The following POLR1C variants were observed in gnomAD, a reference collection of about 807,000 sequenced individuals.
POLR1C encodes DNA-directed RNA polymerases I and III subunit RPAC1.
Under a neutral mutation model 38.3 loss-of-function variants are expected in POLR1C, and 42 were observed. The ratio of observed to expected loss-of-function variants is 1.10; its 90% CI spans 0.86 to 1.42. The LOEUF is 1.42. Among genes scored for constraint, POLR1C ranks in the 40% most tolerant of loss-of-function variants. POLR1C has a pLI of 0.00. For synonymous variants in POLR1C, 163 were observed against 163.9 expected (o/e 0.99, Z 0.04); for missense variants, 507 against 450.5 (o/e 1.13, Z -1.14).
chr6:43,557,353 G>C (rs1036301917), intron 10 of POLR1C, among the ~76,000 whole-genome samples: 1 of 151,078 alleles, frequency 6.6e-6, no homozygotes, highest in African/African-American at 2.4e-5. Flanking sequence ...TTGAATCCGG[G>C]AGGCAGAGGT....
At chr6:43,547,398 G>T in intron 9 of POLR1C, 1 of 646,064 alleles carries the variant, frequency 1.5e-6, no homozygotes, top group Non-Finnish European at 2.8e-6. Context: ...CCAAAATAAT[G>T]ACTTCATAGA....
downstream of POLR1C, chr6:43,523,965 T>C (rs754211966): frequency 1.4e-5 from 23 of 1,613,922 alleles, no homozygotes; most frequent in South Asian, 2.5e-4. Flanking sequence ...GGGAAGATTC[T>C]TAATGTGAAC....
chr6:43,552,063 T>C (rs920951594), intron 10 of POLR1C, among the ~76,000 whole-genome samples: 12 of 152,220 alleles, frequency 7.9e-5, no homozygotes, highest in African/African-American at 2.4e-4. Flanking sequence ...TGAATGTTTT[T>C]CATATTTATC....
downstream of POLR1C, chr6:43,525,444 C>G (rs967058931): frequency 3.7e-6 from 2 of 535,212 alleles, no homozygotes; most frequent in South Asian, 2.7e-5. Context: ...GGCTTAGGAG[C>G]TGGAGTTTTA....
At chr6:43,524,458 G>A (rs979593262), downstream of POLR1C, 19 of 1,612,098 alleles carry the variant, frequency 1.2e-5, no homozygotes, top group South Asian at 2.2e-5. Context: ...ACTATTGAAG[G>A]TGCATGACCT....
At chr6:43,533,019 G>A (rs1294706937), downstream of POLR1C, among the ~76,000 whole-genome samples, 1 of 152,046 alleles carries the variant, frequency 6.6e-6, no homozygotes, top group Non-Finnish European at 1.5e-5. Flanking sequence ...GATGGTGCAT[G>A]CCTGTAGTCC....
rs59157986 is a variant in POLR1C, at chr6:43,519,057, A to C, written c.142-276A>C. On this transcript the variant is annotated intron_variant, in intron 2 of 8. Transcript: ENST00000642195. ...CTGAGTAGTGTCAACAAAACTAAGCACTATGGTAGTTTCTGTTCTTCAGTA... is the reference window on the plus strand; with the variant it reads ...CTGAGTAGTGTCAACAAAACTAAGCCCTATGGTAGTTTCTGTTCTTCAGTA... The C allele has an allele frequency of 4.3e-3, 2,081 of 483,734 alleles. 27 individuals are homozygous for C. The highest frequency in any genetic ancestry group is 0.035 in the African/African-American group (1,812 of 51,162). The allele number at this position is 483,734 out of a possible 1,614,324, so 30.0% of individuals were successfully genotyped here.
downstream of POLR1C, among the ~76,000 whole-genome samples, chr6:43,529,905 GTC>G (rs1413625812): frequency 2.3e-4 from 23 of 100,468 alleles, no homozygotes; most frequent in African/African-American, 1.2e-3. Context: ...CTGAGACCCT[GTC>G]TCAAAAAAAA....
chr6:43,527,899 A>C (rs867962004), intron 8 of POLR1C, among the ~76,000 whole-genome samples: 1 of 152,240 alleles, frequency 6.6e-6, no homozygotes, highest in Non-Finnish European at 1.5e-5. Context: ...CATTATTACT[A>C]GTGACTCTGT....
Position 43,521,368 on chromosome 6 carries a change from CAG to C in POLR1C, c.*73_*74del, listed in dbSNP as rs1793179744. 6.2e-7 allele frequency: 1 copy of C among 1,609,974 alleles called. No homozygotes were observed. The highest frequency in any genetic ancestry group is 1.1e-5 in the South Asian group (1 of 90,392). ...TGACCCACCCTACAGGACTGCTGAA[CAG>C]AGAGCCCAGTGTGACTAGGGATCCT... On this transcript the variant is annotated 3_prime_UTR_variant, in exon 9 of 9. Coordinates refer to ENST00000642195, the MANE Select transcript of POLR1C (RefSeq NM_203290.4).
intron 9 of POLR1C, among the ~76,000 whole-genome samples, chr6:43,537,804 C>A (rs3204712): frequency 0.054 from 8,271 of 152,122 alleles, 326 homozygotes; most frequent in African/African-American, 0.11. Context: ...TGGTAGCTCA[C>A]GGCTGTAATC....
At chr6:43,553,192 C>T (rs1795333096) in intron 10 of POLR1C, among the ~76,000 whole-genome samples, 1 of 151,992 alleles carries the variant, frequency 6.6e-6, no homozygotes, top group Non-Finnish European at 1.5e-5. Context: ...GTTCTAGATC[C>T]TCAGGAGCCT....
chr6:43,537,943 C>T (rs1794442898), intron 9 of POLR1C, among the ~76,000 whole-genome samples: 1 of 151,534 alleles, frequency 6.6e-6, no homozygotes, highest in African/African-American at 2.4e-5. Context: ...TGGCGCACAC[C>T]TGTAATCCCA....
intron 9 of POLR1C, chr6:43,548,469 C>CA: frequency 6.6e-7 from 1 of 1,506,124 alleles, no homozygotes; most frequent in Non-Finnish European, 8.9e-7. Context: ...GGCTACAGAT[C>CA]AAAAAGAAAA....
At chr6:43,536,684 C>T (rs138807353) in intron 9 of POLR1C, among the ~76,000 whole-genome samples, 4,709 of 142,658 alleles carry the variant, frequency 0.033, 246 homozygotes, top group African/African-American at 0.11. Flanking sequence ...CGCTTGAACC[C>T]GGGAGGCAGA....
Position 43,517,127 on chromosome 6 carries a change from G to A in POLR1C, c.18G>A (p.Ala6=), listed in dbSNP as rs1792871690. ...GATTGAAGATGGCGGCTTCTCAGGC[G>A]GTGGAGGAAATGCGGAGCCGCGTGG... MAASQ[A]VEEMRSRVVL... is the part of the protein sequence containing the mutation. The change falls in exon 1 of 9, where the codon GCG becomes GCA. Residue 6 remains alanine (A), a synonymous_variant. Transcript: ENST00000642195. The A allele has an allele frequency of 6.2e-7, 1 of 1,614,058 alleles. No individual in the cohort carries two copies. Among genetic ancestry groups the A allele is most frequent in the Non-Finnish European group, 8.5e-7 (1 of 1,180,018 alleles).
chr6:43,542,323 A>C (rs1794737118), intron 9 of POLR1C, among the ~76,000 whole-genome samples: 1 of 152,130 alleles, frequency 6.6e-6, no homozygotes, highest in Non-Finnish European at 1.5e-5. Context: ...TTCTATTATC[A>C]GATTATTTGA....
intron 10 of POLR1C, chr6:43,553,679 G>A: frequency 1.5e-6 from 2 of 1,349,066 alleles, no homozygotes; most frequent in Middle Eastern, 2.8e-4. Context: ...AAGATGATGT[G>A]TGCTGAAAGC....
At chr6:43,560,256 A>G in intron 10 of POLR1C, 1 of 1,612,356 alleles carries the variant, frequency 6.2e-7, no homozygotes, top group Non-Finnish European at 8.5e-7. Context: ...ACAGGATTTC[A>G]TGCCTGAAGA....
Sources: gnomAD v4.1 joint callset for allele counts (sites outside exome capture counted in the v4.1 genomes callset) on GRCh38, gnomAD v4.1.1 for gene constraint, MANE v1.5 for transcripts, NCBI Gene and HGNC (gene_info 2026-07-23, HGNC 2026-07-21) for gene names.